KIF6: variants seen among roughly 807,000 people sequenced by gnomAD.
The protein encoded by KIF6 is kinesin family member 6.
A neutral mutation model predicts 112.7 loss-of-function variants in KIF6; 106 were observed. That is an observed-to-expected ratio of 0.94 (90% CI 0.80 to 1.11). KIF6 has a LOEUF of 1.11. Among genes scored for constraint, KIF6 ranks in the 50% least tolerant of loss-of-function variants. The pLI is 0.00. For missense variants in KIF6, 929 were observed against 964.0 expected, an observed-to-expected ratio of 0.96 and a Z score of 0.48; for synonymous variants, 339 against 339.9, an observed-to-expected ratio of 1.00 and a Z score of 0.03.
At chr6:39,662,326 A>G (rs1411489881) in intron 3 of KIF6, among the ~76,000 whole-genome samples, 1 of 152,196 alleles carries the variant, frequency 6.6e-6, no homozygotes, top group African/African-American at 2.4e-5. Flanking sequence ...TCTGCCCCAC[A>G]AGGCATTTGA....
At chr6:39,611,777 C>T (rs1443250065) in intron 6 of KIF6, among the ~76,000 whole-genome samples, 1 of 152,154 alleles carries the variant, frequency 6.6e-6, no homozygotes, top group Non-Finnish European at 1.5e-5. Context: ...GTGGAGCATG[C>T]TAAATCCTTT....
At chr6:39,647,260 G>A (rs1024848192) in intron 3 of KIF6, among the ~76,000 whole-genome samples, 4 of 152,146 alleles carry the variant, frequency 2.6e-5, no homozygotes, top group African/African-American at 4.8e-5. Flanking sequence ...TGAGGAGGCC[G>A]ACACTTCTGG....
Position 39,419,967 on chromosome 6 carries a change from AT to A in KIF6, c.1790del (p.Asn597MetfsTer10), listed in dbSNP as rs1770232554. 5 of 1,613,600 alleles carry A rather than the reference AT, an allele frequency of 3.1e-6. No individual in the cohort carries two copies. The highest frequency in any genetic ancestry group is 4.2e-6 in the Non-Finnish European group (5 of 1,179,480). On this transcript the variant is annotated frameshift_variant, in exon 15 of 23. Coordinates refer to ENST00000287152, the MANE Select transcript of KIF6 (RefSeq NM_145027.6). LOFTEE classifies it high-confidence loss of function. ...GCTTACCAATTTTACTTCTTGCTTC[AT>A]TTATACTTTCTCCCAGGGCCTTGGC... ...SEAKALGESI[N>X]EARSKIGHLK...
At chr6:39,437,789 C>T (rs1220588565) in intron 13 of KIF6, among the ~76,000 whole-genome samples, 1 of 152,020 alleles carries the variant, frequency 6.6e-6, no homozygotes, top group Non-Finnish European at 1.5e-5. Context: ...CATATGGTGT[C>T]ATAGTTGTCA....
intron 10 of KIF6, among the ~76,000 whole-genome samples, chr6:39,563,205 C>T (rs1222569328): frequency 6.6e-6 from 1 of 152,138 alleles, no homozygotes; most frequent in Non-Finnish European, 1.5e-5. Context: ...CACTGCACTC[C>T]AGCCTGGGTG....
In KIF6 at chr6:39,541,129, G is replaced by A. The variant is rs568163868; in HGVS notation, c.1427-908C>T. ...GTCTAAATGTGGTATGTGTCCTAAA[G>A]GGTAAACTTTTCAGAGGAAGGGGAT... is the stretch of plus-strand genomic sequence containing the variant. On this transcript the variant is annotated intron_variant, in intron 12 of 22. Coordinates refer to ENST00000287152, the MANE Select transcript of KIF6 (RefSeq NM_145027.6). Among the ~76,000 whole-genome samples, 448 of 152,316 alleles carry A rather than the reference G, an allele frequency of 2.9e-3. 1 individual carries two copies. Among genetic ancestry groups the A allele is most frequent in the Non-Finnish European group, 4.9e-3 (336 of 68,012 alleles).
At chr6:39,562,928 A>G (rs1780086240) in intron 10 of KIF6, among the ~76,000 whole-genome samples, 1 of 152,196 alleles carries the variant, frequency 6.6e-6, no homozygotes, top group South Asian at 2.1e-4. Context: ...TGTTCATTGC[A>G]AAATGTATTT....
At chr6:39,422,517 G>C (rs1412656162) in intron 14 of KIF6, among the ~76,000 whole-genome samples, 3 of 152,222 alleles carry the variant, frequency 2.0e-5, no homozygotes, top group Non-Finnish European at 4.4e-5. Flanking sequence ...CACTCTGGAA[G>C]TTGTCACCAC....
intron 13 of KIF6, among the ~76,000 whole-genome samples, chr6:39,482,494 T>G (rs1179594944): frequency 6.6e-6 from 1 of 152,174 alleles, no homozygotes; most frequent in African/African-American, 2.4e-5. Flanking sequence ...AGGCTGAGGA[T>G]GGAAGTGTCT....
rs949854609 is a variant in KIF6 at position 39,621,030 on chromosome 6, A to G, written c.510-7712T>C. 9.9e-5 allele frequency among the ~76,000 whole-genome samples: 15 copies of G among 152,204 alleles called. No individual in the cohort carries two copies. In the East Asian group the frequency reaches 2.9e-3, roughly 29 times the overall value. On this transcript the variant is annotated intron_variant, in intron 5 of 22. Transcript: ENST00000287152. ...GTGATTTGCCCACCCTGGCCGCTCA[A>G]AGTGCTGGGATTACAGGTGTGAGCC... is the stretch of plus-strand genomic sequence containing the variant.
At chr6:39,602,090 G>A (rs1782609650) in intron 6 of KIF6, among the ~76,000 whole-genome samples, 1 of 152,256 alleles carries the variant, frequency 6.6e-6, no homozygotes, top group South Asian at 2.1e-4. Context: ...TCAGAAAAGT[G>A]AATGAAATTA....
At chr6:39,394,712 A>G (rs1282605640) in intron 15 of KIF6, among the ~76,000 whole-genome samples, 2 of 152,258 alleles carry the variant, frequency 1.3e-5, no homozygotes, top group East Asian at 3.8e-4. Flanking sequence ...AATGCTAGGC[A>G]AATGTTTTTA....
rs140497463 is a variant in KIF6, at chr6:39,480,554, C to T, written c.1646-49393G>A. On this transcript the variant is annotated intron_variant, in intron 13 of 22. Coordinates refer to ENST00000287152, the MANE Select transcript of KIF6 (RefSeq NM_145027.6). ...TTGTCCTTTCCTGGTTTTGGTATTA[C>T]GGTGATGCTGGCTTCACAGAATGAT... Among the ~76,000 whole-genome samples the T allele has an allele frequency of 7.7e-3, 1,176 of 151,890 alleles. 9 individuals are homozygous for T. Among genetic ancestry groups the T allele is most frequent in the Non-Finnish European group, 0.012 (804 of 67,920 alleles).
chr6:39,685,074 A>G (rs1787777108), intron 3 of KIF6, among the ~76,000 whole-genome samples: 2 of 152,200 alleles, frequency 1.3e-5, no homozygotes, highest in South Asian at 2.1e-4. Context: ...GTTTTTGTGG[A>G]AAAGGGGAGC....
chr6:39,423,211 G>A (rs112373564), intron 14 of KIF6, among the ~76,000 whole-genome samples: 269 of 152,232 alleles, frequency 1.8e-3, no homozygotes, highest in African/African-American at 6.1e-3. Flanking sequence ...GAAGGAATGC[G>A]ATGCTCTGCT....
At chr6:39,357,185 C>T (rs1764765468) in intron 19 of KIF6, 92 bp downstream of exon 19, 1 of 736,738 alleles carries the variant, frequency 1.4e-6, no homozygotes, top group African/African-American at 1.8e-5. Flanking sequence ...TATGGCTTAT[C>T]AAGAGACATG....
At chr6:39,570,862 C>A (rs1780603615) in intron 10 of KIF6, among the ~76,000 whole-genome samples, 2 of 152,176 alleles carry the variant, frequency 1.3e-5, no homozygotes, top group East Asian at 1.9e-4. Flanking sequence ...AATTAAACTT[C>A]TTTTCTTTAT....
chr6:39,547,219 T>C (rs1422914126), intron 10 of KIF6, among the ~76,000 whole-genome samples: 1 of 152,248 alleles, frequency 6.6e-6, no homozygotes, highest in Admixed American at 6.5e-5. Context: ...TGTAATGATT[T>C]CTATCATAGA....
rs534582068 is a variant in KIF6 at position 39,356,062 on chromosome 6, C to T, written c.2180+1215G>A. 2.9e-3 allele frequency among the ~76,000 whole-genome samples: 429 copies of T among 147,424 alleles called. 5 individuals carry two copies. The highest frequency in any genetic ancestry group is 5.6e-3 in the Non-Finnish European group (373 of 66,474). The stretch of plus-strand genomic sequence containing the variant: ...CTCGGTGGTGTGTCTCCCTAGGCTC[C>T]TCTTGGCTGTGACCGAGTCTCACAC... On this transcript the variant is annotated intron_variant, in intron 19 of 22. Transcript: ENST00000287152.
Sources: gnomAD v4.1 joint callset for allele counts (sites outside exome capture counted in the v4.1 genomes callset) on GRCh38, gnomAD v4.1.1 for gene constraint, MANE v1.5 for transcripts, NCBI Gene and HGNC (gene_info 2026-07-23, HGNC 2026-07-21) for gene names.